The following ATG16L1 variants were observed in gnomAD, a reference collection of about 807,000 sequenced individuals.
The protein encoded by ATG16L1 is autophagy-related protein 16-1.
ATG16L1 carries 37 observed loss-of-function variants against 88.5 expected under a neutral mutation model. That is an observed-to-expected ratio of 0.42 (90% CI 0.32 to 0.55). The LOEUF (loss-of-function observed/expected upper bound fraction) is 0.55. Among genes scored for constraint, ATG16L1 ranks in the 20% least tolerant of loss-of-function variants. ATG16L1 has a pLI of 0.13. For synonymous variants in ATG16L1, 301 were observed against 281.0 expected (o/e 1.07, Z -0.71); for missense variants, 554 against 752.8 (o/e 0.74, Z 3.09).
At position 233,282,748 on chromosome 2, in the gene ATG16L1, T is replaced by C. The variant is rs1679758358; in HGVS notation, c.1198T>C (p.Leu400=). The C allele has an allele frequency of 6.2e-7, 1 of 1,613,860 alleles. No individual in the cohort carries two copies. Among genetic ancestry groups the C allele is most frequent in the African/African-American group, 1.3e-5 (1 of 74,940 alleles). ...SRIWTVDDYR[L]RHTLTGHSGK... is the part of the protein sequence containing the mutation. ...AATCTGGACTGTGGATGATTATCGA[T>C]TACGGGTAAGACCCAGTTAAGAAAG... Residue 400 remains leucine (L), a synonymous_variant, in exon 12 of 18, where the codon TTA becomes CTA. Transcript: ENST00000392017.
chr2:233,260,609 C>T (rs559062324), intron 2 of ATG16L1, among the ~76,000 whole-genome samples: 37 of 152,216 alleles, frequency 2.4e-4, no homozygotes, highest in African/African-American at 8.9e-4. Flanking sequence ...TTCTACTTGC[C>T]GAAGCACTTT....
chr2:233,254,048 TA>T (rs1256239154), intron 1 of ATG16L1, among the ~76,000 whole-genome samples: 1 of 152,226 alleles, frequency 6.6e-6, no homozygotes, highest in African/African-American at 2.4e-5. Context: ...GCCCACTTCA[TA>T]AAAACAGTGC....
At chr2:233,266,622 T>C (rs1365219395) in intron 5 of ATG16L1, among the ~76,000 whole-genome samples, 1 of 152,196 alleles carries the variant, frequency 6.6e-6, no homozygotes, top group East Asian at 1.9e-4. Context: ...AAGAGTCTTT[T>C]AAAGGGTGAT....
At position 233,281,142 on chromosome 2, in the gene ATG16L1, T is replaced by C. The variant is rs375777646; in HGVS notation, c.1098T>C (p.Asn366=). The change falls in exon 11 of 18, where the codon AAT becomes AAC. Residue 366 remains asparagine (N), a synonymous_variant. Coordinates refer to ENST00000392017, the MANE Select transcript of ATG16L1 (RefSeq NM_030803.7). ...CEFKGSLSGS[N]AGITSIEFDS... ...TCAAGGGTTCCCTATCTGGCAGTAA[T>C]GCAGGAATTACAAGCATTGAATTTG... The C allele has an allele frequency of 5.0e-6, 8 of 1,604,610 alleles. No homozygotes were observed. The East Asian group carries it at 9.0e-5, about 18-fold the overall frequency.
At chr2:233,273,433 AAGTT>A (rs1199907973) in intron 7 of ATG16L1, 2 of 509,888 alleles carry the variant, frequency 3.9e-6, no homozygotes, top group South Asian at 3.0e-5. Context: ...AGAAATTGTG[AAGTT>A]AGTTAGCCAG....
chr2:233,291,742 C>T (rs1699477340), intron 14 of ATG16L1, among the ~76,000 whole-genome samples: 1 of 152,228 alleles, frequency 6.6e-6, no homozygotes, highest in African/African-American at 2.4e-5. Flanking sequence ...GTTACACTTA[C>T]AAGGCAGCCC....
chr2:233,261,219 T>C (rs1225724627), intron 2 of ATG16L1, among the ~76,000 whole-genome samples: 1 of 152,164 alleles, frequency 6.6e-6, no homozygotes, highest in Admixed American at 6.5e-5. Context: ...CCTCCCAAAG[T>C]GCTGGGGTTA....
At position 233,251,725 on chromosome 2, in the gene ATG16L1, G is replaced by C. The variant is rs993036024; in HGVS notation, c.-103G>C. On this transcript the variant is annotated 5_prime_UTR_variant, in exon 1 of 18. Coordinates refer to ENST00000392017, the MANE Select transcript of ATG16L1 (RefSeq NM_030803.7). ...GCCAGTGTGTGGAGGTGAGCTCCGGGATTGCCGGCATTCCCGCTTCTGCTG... is the reference window on the plus strand; with the variant it reads ...GCCAGTGTGTGGAGGTGAGCTCCGGCATTGCCGGCATTCCCGCTTCTGCTG... The C allele has an allele frequency of 3.9e-6, 4 of 1,034,072 alleles. No individual in the cohort carries two copies. In the African/African-American group the frequency reaches 6.4e-5, roughly 17 times the overall value. The allele number at this position is 1,034,072 out of a possible 1,614,324, so 64.1% of individuals were successfully genotyped here.
intron 12 of ATG16L1, among the ~76,000 whole-genome samples, chr2:233,287,644 G>A (rs1343193241): frequency 2.6e-5 from 4 of 152,200 alleles, no homozygotes; most frequent in Non-Finnish European, 2.9e-5. Context: ...TTGGGAAGCC[G>A]AGGCAGGCGG....
intron 12 of ATG16L1, among the ~76,000 whole-genome samples, chr2:233,284,730 A>G (rs1698965537): frequency 6.6e-6 from 1 of 152,168 alleles, no homozygotes; most frequent in Non-Finnish European, 1.5e-5. Context: ...TCGGCCTCCC[A>G]AAGTGCTGGG....
chr2:233,283,349 G>C (rs1169824171), intron 12 of ATG16L1, among the ~76,000 whole-genome samples: 1 of 151,588 alleles, frequency 6.6e-6, no homozygotes, highest in African/African-American at 2.4e-5. Flanking sequence ...TTAATTTGCA[G>C]ACATTTTTTT....
At chr2:233,290,011 T>C (rs1699357581) in intron 13 of ATG16L1, 37 bp downstream of exon 13, 1 of 1,605,470 alleles carries the variant, frequency 6.2e-7, no homozygotes, top group Non-Finnish European at 8.5e-7. Context: ...TGTATATGCT[T>C]AGATGTTAGC....
At chr2:233,275,072 T>C (rs2241878) in intron 9 of ATG16L1, among the ~76,000 whole-genome samples, 66,539 of 152,062 alleles carry the variant, frequency 0.44, 15,220 homozygotes, top group Non-Finnish European at 0.52. Context: ...GGAGAGGGAT[T>C]TATATAATTA....
chr2:233,284,675 G>A (rs1263862548), intron 12 of ATG16L1, among the ~76,000 whole-genome samples: 1 of 151,996 alleles, frequency 6.6e-6, no homozygotes, highest in Admixed American at 6.6e-5. Flanking sequence ...TCCCCATGTT[G>A]GCTAGGCTGG....
chr2:233,282,552 T>C, intron 11 of ATG16L1, 130 bp from the exon 12 acceptor site: 1 of 764,884 alleles, frequency 1.3e-6, no homozygotes, highest in Non-Finnish European at 2.3e-6. Context: ...CAGTAGCTGG[T>C]ATTCAGGCTG....
At chr2:233,259,823 C>G (rs150151708) in intron 2 of ATG16L1, among the ~76,000 whole-genome samples, 1 of 152,170 alleles carries the variant, frequency 6.6e-6, no homozygotes, top group African/African-American at 2.4e-5. Context: ...TTCTCCACCC[C>G]CTAGCCTCTT....
At chr2:233,282,807 C>A in intron 12 of ATG16L1, 54 bp downstream of exon 12, 1 of 1,539,862 alleles carries the variant, frequency 6.5e-7, no homozygotes, top group South Asian at 1.1e-5. Flanking sequence ...GTGGTGTTAT[C>A]AAGGCACAAA....
rs1698801511 is a variant in ATG16L1 at position 233,282,749 on chromosome 2, T to C, written c.1199T>C (p.Leu400Ser). ...ATCTGGACTGTGGATGATTATCGAT[T>C]ACGGGTAAGACCCAGTTAAGAAAGT... ...SRIWTVDDYR[L>S]RHTLTGHSGK... The change falls in exon 12 of 18, where the codon TTA becomes TCA. Residue 400 changes from leucine (L) to serine (S), a missense_variant. Leu to Ser is a moderately radical substitution (Grantham distance 145). This residue lies in a region of ATG16L1 where 370 missense variants were observed against 509.7 expected (regional missense o/e 0.73). Coordinates refer to ENST00000392017, the MANE Select transcript of ATG16L1 (RefSeq NM_030803.7). 6.2e-7 allele frequency: 1 copy of C among 1,613,728 alleles called. No individual in the cohort carries two copies. The highest frequency in any genetic ancestry group is 1.3e-5 in the African/African-American group (1 of 75,056).
chr2:233,253,220 A>G (rs1264007208), intron 1 of ATG16L1, among the ~76,000 whole-genome samples: 1 of 152,122 alleles, frequency 6.6e-6, no homozygotes, highest in East Asian at 1.9e-4. Flanking sequence ...TATCTTTCCC[A>G]AAATTCTGTG....
Sources: gnomAD v4.1 joint callset for allele counts (sites outside exome capture counted in the v4.1 genomes callset) on GRCh38, gnomAD v4.1.1 for gene constraint, gnomAD v4.1.1 regional missense constraint, MANE v1.5 for transcripts, NCBI Gene and HGNC (gene_info 2026-07-23, HGNC 2026-07-21) for gene names.